The following POR variants were observed in gnomAD, a reference collection of about 807,000 sequenced individuals.
The protein encoded by POR is cytochrome p450 oxidoreductase.
Under a neutral mutation model 84.0 loss-of-function variants are expected in POR, and 56 were observed. That is an observed-to-expected ratio of 0.67 (90% CI 0.54 to 0.83). POR has a LOEUF of 0.83. POR is among the 40% of genes least tolerant of loss of function. The pLI, the probability that POR is intolerant of heterozygous loss-of-function variation, is 0.00. For missense variants in POR, 938 were observed against 944.3 expected (o/e 0.99, Z 0.09); for synonymous variants, 414 against 400.5 (o/e 1.03, Z -0.40).
At chr7:75,970,462 A>C (rs1554555981) in intron 2 of POR, among the ~76,000 whole-genome samples, 1 of 151,758 alleles carries the variant, frequency 6.6e-6, no homozygotes, top group Non-Finnish European at 1.5e-5. Context: ...CTCCCACCTC[A>C]GCCTCCTGAG....
At chr7:75,952,624 C>A (rs1487656716) in intron 1 of POR, among the ~76,000 whole-genome samples, 2 of 150,600 alleles carry the variant, frequency 1.3e-5, no homozygotes, top group African/African-American at 4.9e-5. Context: ...CGGGCAGAGA[C>A]GCTCCTCACC....
intron 2 of POR, among the ~76,000 whole-genome samples, chr7:75,955,393 A>G (rs1471621837): frequency 6.6e-6 from 1 of 152,252 alleles, no homozygotes; most frequent in African/African-American, 2.4e-5. Flanking sequence ...CTGTCTCTCC[A>G]AGATTGATTT....
At position 75,981,501 on chromosome 7, in the gene POR, C is replaced by T; in HGVS notation, c.642-16C>T. 6.2e-7 allele frequency: 1 copy of T among 1,607,116 alleles called. No individual in the cohort carries two copies. The highest frequency in any genetic ancestry group is 8.5e-7 in the Non-Finnish European group (1 of 1,177,170). On this transcript the variant is annotated splice_polypyrimidine_tract_variant and intron_variant, in intron 6 of 15. Transcript: ENST00000461988. ...GCCTCCCCTGAGCCGCTCCCCCTCTCCTCTCCTCGGCCCAGCTTGGAGGAG... is the reference window on the plus strand; with the variant it reads ...GCCTCCCCTGAGCCGCTCCCCCTCTTCTCTCCTCGGCCCAGCTTGGAGGAG...
chr7:75,947,263 G>A (rs1312389964), intron 1 of POR: 1 of 151,818 alleles, frequency 6.6e-6, no homozygotes, highest in African/African-American at 2.4e-5. Context: ...GAAGCCCAAT[G>A]TGTGTTTTAT....
chr7:75,928,066 G>C (rs1807232407), intron 1 of POR, among the ~76,000 whole-genome samples: 1 of 150,490 alleles, frequency 6.6e-6, no homozygotes, highest in African/African-American at 2.5e-5. Context: ...CCACCTCCTG[G>C]GTTCAAGTGA....
chr7:75,981,469 C>T (rs782340359), intron 6 of POR, 48 bp from the exon 7 acceptor site: 8 of 1,550,468 alleles, frequency 5.2e-6, no homozygotes, highest in African/African-American at 1.4e-5. Flanking sequence ...GTACCGTTGC[C>T]ACATGGGCCT....
intron 2 of POR, among the ~76,000 whole-genome samples, chr7:75,962,413 GC>G (rs1280443194): frequency 2.6e-5 from 4 of 152,056 alleles, no homozygotes; most frequent in Non-Finnish European, 4.4e-5. Flanking sequence ...TCCCATCTCA[GC>G]CCCCTGAGTA....
intron 1 of POR, among the ~76,000 whole-genome samples, chr7:75,923,956 A>G (rs60519343): frequency 0.027 from 4,125 of 152,076 alleles, 174 homozygotes; most frequent in African/African-American, 0.095. Flanking sequence ...ATCACAGTCC[A>G]GTTCCAAGGA....
intron 1 of POR, among the ~76,000 whole-genome samples, chr7:75,917,931 A>T (rs1465638510): frequency 1.3e-5 from 2 of 152,214 alleles, no homozygotes; most frequent in Non-Finnish European, 2.9e-5. Context: ...TGGGAGACCA[A>T]GGTGGGTGAA....
intron 2 of POR, among the ~76,000 whole-genome samples, chr7:75,958,767 C>T (rs1445481718): frequency 6.6e-6 from 1 of 151,858 alleles, no homozygotes; most frequent in African/African-American, 2.4e-5. Context: ...ATTGCTTGAG[C>T]CAGGAGTTCA....
In POR at chr7:75,983,511, C is replaced by T. The variant is rs1789190650; in HGVS notation, c.831-9C>T. The T allele has an allele frequency of 1.9e-6, 3 of 1,606,062 alleles. No individual in the cohort carries two copies. Among genetic ancestry groups the T allele is most frequent in the Non-Finnish European group, 2.6e-6 (3 of 1,173,766 alleles). On this transcript the variant is annotated splice_polypyrimidine_tract_variant and intron_variant, in intron 8 of 15. Transcript: ENST00000461988. Reference sequence around the variant, plus strand: ...GGCCGCTCACTGTGCTTCTCTCCTCCCCACCCAGCCCCTTTGATGCCAAGA... The same window carrying T: ...GGCCGCTCACTGTGCTTCTCTCCTCTCCACCCAGCCCCTTTGATGCCAAGA...
chr7:75,926,110 TA>T (rs782525914), intron 1 of POR, among the ~76,000 whole-genome samples: 3 of 150,504 alleles, frequency 2.0e-5, no homozygotes, highest in Admixed American at 6.6e-5. Context: ...TCAAACTCCT[TA>T]AGCCCTTCCA....
chr7:75,985,368 G>C, intron 12 of POR, 161 bp downstream of exon 12: 1 of 1,167,614 alleles, frequency 8.6e-7, no homozygotes, highest in Non-Finnish European at 1.2e-6. Flanking sequence ...GGACTCAGTC[G>C]GGCTGGCTTG....
intron 3 of POR, among the ~76,000 whole-genome samples, chr7:75,974,275 C>A (rs1287635589): frequency 6.6e-6 from 1 of 152,084 alleles, no homozygotes; most frequent in African/African-American, 2.4e-5. Flanking sequence ...TGTTTGCAAT[C>A]GTGATAGAAG....
intron 1 of POR, among the ~76,000 whole-genome samples, chr7:75,953,211 C>A (rs541634177): frequency 6.0e-5 from 9 of 150,658 alleles, no homozygotes; most frequent in Admixed American, 5.3e-4. Context: ...CGCAGGCACT[C>A]GGCAGGCTGA....
At chr7:75,972,566 G>T (rs782806495) in intron 3 of POR, 105 bp downstream of exon 3, 16 of 1,136,130 alleles carry the variant, frequency 1.4e-5, no homozygotes, top group Non-Finnish European at 2.1e-5. Context: ...GGATGTCCCG[G>T]TGGCCAGGAG....
Position 75,980,361 on chromosome 7 carries a change from A to G in POR, c.389A>G (p.Glu130Gly). 6.2e-7 allele frequency: 1 copy of G among 1,613,002 alleles called. No homozygotes were observed. The highest frequency in any genetic ancestry group is 8.5e-7 in the Non-Finnish European group (1 of 1,179,750). The change falls in exon 5 of 16, where the codon GAG becomes GGG. Residue 130 changes from glutamate to glycine, a missense_variant. Coordinates refer to ENST00000461988, the MANE Select transcript of POR (RefSeq NM_000941.3). ...CAGGCCGACCTGAGCAGCCTGCCAG[A>G]GATCGACAACGCCCTGGTGGTTTTC...
chr7:75,966,099 A>C (rs1316178660), intron 2 of POR, among the ~76,000 whole-genome samples: 2 of 152,194 alleles, frequency 1.3e-5, no homozygotes, highest in Non-Finnish European at 2.9e-5. Context: ...TGCGCACTGC[A>C]CAGGGTGGTG....
chr7:75,984,895 C>T lies in POR; in HGVS notation c.1185C>T (p.Tyr395=), dbSNP rs782192787. The change falls in exon 11 of 16, where the codon TAC becomes TAT. Residue 395 remains tyrosine (Y), a synonymous_variant. Coordinates refer to ENST00000461988, the MANE Select transcript of POR (RefSeq NM_000941.3). ...ACGTGCTGTACGAGCTGGCGCAGTACGCCTCGGAGCCCTCGGAGCAGGAGC... is the reference window on the plus strand; with the variant it reads ...ACGTGCTGTACGAGCTGGCGCAGTATGCCTCGGAGCCCTCGGAGCAGGAGC... 1.8e-5 allele frequency: 29 copies of T among 1,611,924 alleles called. No individual in the cohort carries two copies. Among genetic ancestry groups the T allele is most frequent in the African/African-American group, 9.3e-5 (7 of 74,924 alleles).
Sources: allele counts gnomAD v4.1 joint callset (sites outside exome capture counted in the v4.1 genomes callset), GRCh38; gene constraint gnomAD v4.1.1; transcripts MANE v1.5; gene names NCBI Gene and HGNC (gene_info 2026-07-23, HGNC 2026-07-21).